FRMD6: variants seen among roughly 807,000 people sequenced by gnomAD.
FRMD6 encodes FERM domain-containing protein 6.
A neutral mutation model predicts 73.2 loss-of-function variants in FRMD6; 37 were observed. The ratio of observed to expected loss-of-function variants is 0.51; its 90% CI spans 0.39 to 0.66. FRMD6 has a LOEUF of 0.66. FRMD6 is among the 30% of genes least tolerant of loss of function. The pLI is 0.00. For synonymous variants in FRMD6, 273 were observed against 282.2 expected (o/e 0.97, Z 0.33); for missense variants, 714 against 780.5 (o/e 0.91, Z 1.02).
At chr14:51,711,178 AATC>A (rs1001806379) in intron 7 of FRMD6, among the ~76,000 whole-genome samples, 4 of 78,844 alleles carry the variant, frequency 5.1e-5, no homozygotes, top group Non-Finnish European at 7.2e-5. Flanking sequence ...AGGTCAAAAA[AATC>A]AAACAATGCA....
intron 1 of FRMD6, among the ~76,000 whole-genome samples, chr14:51,501,060 C>T (rs1217675077): frequency 6.6e-6 from 1 of 152,140 alleles, no homozygotes; most frequent in African/African-American, 2.4e-5. Context: ...TAGCATAAAT[C>T]ATTTCCTCTA....
the FRMD6 span, among the ~76,000 whole-genome samples, chr14:51,467,392 G>T: frequency 6.6e-6 from 1 of 152,178 alleles, no homozygotes; most frequent in Non-Finnish European, 1.5e-5. Context: ...GCAACAATCC[G>T]ATCTCTCTTT....
chr14:51,648,415 A>T (rs936694913), upstream of FRMD6, among the ~76,000 whole-genome samples: 1 of 152,178 alleles, frequency 6.6e-6, no homozygotes, highest in African/African-American at 2.4e-5. Context: ...ACTTAAAATA[A>T]CCTGGGGATA....
the FRMD6 span, among the ~76,000 whole-genome samples, chr14:51,416,776 G>A: frequency 6.6e-6 from 1 of 152,144 alleles, no homozygotes; most frequent in African/African-American, 2.4e-5. Flanking sequence ...CGTTATTATA[G>A]TGTGGGAGTC....
At chr14:51,447,814 G>A in the FRMD6 span, among the ~76,000 whole-genome samples, 3 of 152,134 alleles carry the variant, frequency 2.0e-5, no homozygotes, top group East Asian at 3.9e-4. Context: ...ATCCATGCAC[G>A]ATTAATGCTC....
intron 1 of FRMD6, among the ~76,000 whole-genome samples, chr14:51,661,970 G>A (rs1893246978): frequency 6.6e-6 from 1 of 152,186 alleles, no homozygotes; most frequent in African/African-American, 2.4e-5. Flanking sequence ...CAGGGTTAGG[G>A]AGCCTTTGAG....
rs561617203 is a variant in FRMD6 at position 51,599,177 on chromosome 14, A to G, written c.-147+28767A>G. 2.9e-5 allele frequency among the ~76,000 whole-genome samples: 4 copies of G among 137,574 alleles called. No homozygotes were observed. In the East Asian group the frequency reaches 6.6e-4, roughly 23 times the overall value. 90.3% of individuals were successfully genotyped at this position (137,574 alleles called of 152,430 possible). ...TATTATGATGTTGAGCATTTTTTCT[A>G]TGTTTGTTGGCTGCTTATATGTCAT... On this transcript the variant is annotated intron_variant, in intron 2 of 14. Transcript: ENST00000356218.
At chr14:51,477,389 A>G in the FRMD6 span, among the ~76,000 whole-genome samples, 2 of 152,204 alleles carry the variant, frequency 1.3e-5, no homozygotes, top group African/African-American at 4.8e-5. Flanking sequence ...ACAAGAAGAC[A>G]GAAAATACAC....
At chr14:51,668,651 T>C (rs1047675207) in intron 1 of FRMD6, among the ~76,000 whole-genome samples, 2 of 149,872 alleles carry the variant, frequency 1.3e-5, no homozygotes, top group East Asian at 2.0e-4. Flanking sequence ...GCTGTGAAGC[T>C]CGAATGAAAT....
rs72675831 is a variant in FRMD6 at position 51,694,742 on chromosome 14, C to G, written c.100-3400C>G. Among the ~76,000 whole-genome samples, 1,265 of 152,250 alleles carry G rather than the reference C, an allele frequency of 8.3e-3. 10 individuals carry two copies. Among genetic ancestry groups the G allele is most frequent in the South Asian group, 0.04 (193 of 4,828 alleles). On this transcript the variant is annotated intron_variant, in intron 2 of 13. Transcript: ENST00000344768. ...TATATTTTTAGATAAAGCTTTAATT[C>G]TTATTCTTAATACCTCATACTATAT...
chr14:51,702,457 C>A lies in FRMD6; in HGVS notation c.295-55C>A, dbSNP rs370635468. 2.0e-5 allele frequency: 29 copies of A among 1,454,456 alleles called. No homozygotes were observed. In the South Asian group the frequency reaches 3.4e-4, roughly 17 times the overall value. The allele number at this position is 1,454,456 out of a possible 1,614,324, so 90.1% of individuals were successfully genotyped here. A position where few individuals can be genotyped will look rare whatever the true frequency, so the allele number is the denominator to read the frequency against. On this transcript the variant is annotated intron_variant, in intron 4 of 13. Transcript: ENST00000344768. ...ATTGTATTTTGGTTGCTTTTGAAAC[C>A]CATTTTCAAAGTAACTAGAAATAGC...
chr14:51,417,609 G>C, the FRMD6 span, among the ~76,000 whole-genome samples: 1 of 152,186 alleles, frequency 6.6e-6, no homozygotes, highest in Non-Finnish European at 1.5e-5. Flanking sequence ...TCACCTGGGT[G>C]AATCTGACAA....
intron 1 of FRMD6, among the ~76,000 whole-genome samples, chr14:51,520,092 C>T (rs1253111547): frequency 4.6e-5 from 7 of 152,046 alleles, no homozygotes; most frequent in Admixed American, 1.3e-4. Flanking sequence ...AAAATTTGTG[C>T]CAGGTGTATA....
At chr14:51,655,364 G>A (rs1032350080) in intron 1 of FRMD6, among the ~76,000 whole-genome samples, 2 of 152,180 alleles carry the variant, frequency 1.3e-5, no homozygotes, top group Non-Finnish European at 2.9e-5. Context: ...ACAATGGAGA[G>A]TTAGGAGAGG....
Position 51,720,393 on chromosome 14 carries a change from A to G in FRMD6, c.1360+3A>G. 3 of 1,611,438 alleles carry G rather than the reference A, an allele frequency of 1.9e-6. No homozygotes were observed. The highest frequency in any genetic ancestry group is 2.5e-6 in the Non-Finnish European group (3 of 1,178,392). On this transcript the variant is annotated splice_donor_region_variant and intron_variant, in intron 11 of 13. Transcript: ENST00000344768. ...GGAAGAGGACTTACAGGACGATGGT[A>G]ACAGTACTGTCCCCTCACTGGCTCT...
chr14:51,712,485 T>C lies in FRMD6; in HGVS notation c.783T>C (p.Asn261=), dbSNP rs897651454. The change falls in exon 9 of 14, where the codon AAT becomes AAC. Residue 261 remains asparagine, a splice_region_variant and synonymous_variant. Coordinates refer to ENST00000344768, the MANE Select transcript of FRMD6 (RefSeq NM_001267046.2). Reference sequence around the variant, plus strand: ...CCATATGCATATTCTTTTCACAGAATTTAGATGAAGAGAAACAATTACTTT... The same window carrying C: ...CCATATGCATATTCTTTTCACAGAACTTAGATGAAGAGAAACAATTACTTT... ...LTMRGIQIFQ[N]LDEEKQLLYD... The C allele has an allele frequency of 1.3e-6, 2 of 1,577,108 alleles. No homozygotes were observed. The highest frequency in any genetic ancestry group is 2.7e-5 in the African/African-American group (2 of 73,972).
At chr14:51,709,651 A>C (rs1896830899) in intron 7 of FRMD6, among the ~76,000 whole-genome samples, 1 of 152,196 alleles carries the variant, frequency 6.6e-6, no homozygotes, top group South Asian at 2.1e-4. Flanking sequence ...TGTTTGGCTA[A>C]ATTCCTAAAG....
chr14:51,722,055 G>T lies in FRMD6; in HGVS notation c.1467G>T (p.Met489Ile). 5.0e-6 allele frequency: 8 copies of T among 1,614,166 alleles called. No individual in the cohort carries two copies. The highest frequency in any genetic ancestry group is 6.8e-6 in the Non-Finnish European group (8 of 1,180,024). The change falls in exon 12 of 14, where the codon ATG becomes ATT. Residue 489 changes from methionine to isoleucine, a missense_variant. Transcript: ENST00000344768. Reference sequence around the variant, plus strand: ...TCTACATCACAGAGGACATGCTCATGTCGCGGAAGCTGAATGGACACTCTG... The same window carrying T: ...TCTACATCACAGAGGACATGCTCATTTCGCGGAAGCTGAATGGACACTCTG... ...MCIYITEDML[M>I]SRKLNGHSGL... is the part of the protein sequence containing the mutation.
At chr14:51,588,387 A>G (rs1889180489) in intron 2 of FRMD6, among the ~76,000 whole-genome samples, 1 of 152,218 alleles carries the variant, frequency 6.6e-6, no homozygotes, top group African/African-American at 2.4e-5. Flanking sequence ...AACTTGTTAA[A>G]AGATTAATTT....
Sources: gnomAD v4.1 joint callset for allele counts (sites outside exome capture counted in the v4.1 genomes callset) on GRCh38, gnomAD v4.1.1 for gene constraint, MANE v1.5 for transcripts, NCBI Gene and HGNC (gene_info 2026-07-23, HGNC 2026-07-21) for gene names.